The following PRUNE1 variants were observed in gnomAD, a reference collection of about 807,000 sequenced individuals.
PRUNE1 encodes exopolyphosphatase PRUNE1.
Under a neutral mutation model 42.5 loss-of-function variants are expected in PRUNE1, and 25 were observed. The ratio of observed to expected loss-of-function variants is 0.59; its 90% CI spans 0.43 to 0.82. The LOEUF (loss-of-function observed/expected upper bound fraction) is 0.82, where lower values mean the gene tolerates loss of function less well. Among genes scored for constraint, PRUNE1 ranks in the 40% least tolerant of loss-of-function variants. The pLI, the probability that PRUNE1 is intolerant of heterozygous loss-of-function variation, is 0.00. For missense variants in PRUNE1, 443 were observed against 539.3 expected (o/e 0.82, Z 1.77); for synonymous variants, 203 against 217.1 (o/e 0.93, Z 0.57).
chr1:151,027,298 G>A lies in PRUNE1; in HGVS notation c.745G>A (p.Ala249Thr), dbSNP rs587724490. The A allele has an allele frequency of 3.7e-6, 6 of 1,609,892 alleles. No homozygotes were observed. The South Asian group carries it at 5.5e-5, about 15-fold the overall frequency. ...KTIYRQGVKVAISAIYMDLEA... is the reference protein window; with the variant it reads ...KTIYRQGVKVTISAIYMDLEA... ...TATCTATAGACAAGGCGTCAAGGTG[G>A]CCATTAGTGCAATATATATGGATTT... Residue 249 changes from alanine to threonine, a missense_variant, in exon 6 of 8, where the codon GCC becomes ACC. Physicochemically the swap from Ala to Thr is moderately conservative, Grantham distance 58. Coordinates refer to ENST00000271620, the MANE Select transcript of PRUNE1 (RefSeq NM_021222.3).
At chr1:151,015,536 A>G (rs587649832) in intron 1 of PRUNE1, among the ~76,000 whole-genome samples, 1 of 150,894 alleles carries the variant, frequency 6.6e-6, no homozygotes, top group African/African-American at 2.4e-5. Flanking sequence ...CAGGAGGCTG[A>G]GGCAAGAGAA....
At chr1:151,014,573 G>T (rs186568763) in intron 1 of PRUNE1, among the ~76,000 whole-genome samples, 2 of 152,296 alleles carry the variant, frequency 1.3e-5, no homozygotes, top group African/African-American at 4.8e-5. Context: ...GATGATTCTA[G>T]GTTTCCCTAG....
intron 3 of PRUNE1, among the ~76,000 whole-genome samples, chr1:151,019,022 G>A (rs1358158633): frequency 2.0e-5 from 3 of 152,148 alleles, no homozygotes; most frequent in Non-Finnish European, 2.9e-5. Context: ...CAGCCTGAGC[G>A]ACAGAGCCAG....
chr1:151,025,992 G>C (rs1388050234), intron 5 of PRUNE1, among the ~76,000 whole-genome samples: 1 of 151,560 alleles, frequency 6.6e-6, no homozygotes, highest in East Asian at 2.0e-4. Flanking sequence ...CTGCCCGCCT[G>C]GGCCTCCCAA....
intron 3 of PRUNE1, among the ~76,000 whole-genome samples, chr1:151,024,337 AC>A (rs1674682515): frequency 6.6e-6 from 1 of 152,094 alleles, no homozygotes; most frequent in African/African-American, 2.4e-5. Context: ...TACTAAAAAT[AC>A]AAAAAAATTA....
chr1:151,012,107 G>GAAAAAA (rs34147552), intron 1 of PRUNE1, among the ~76,000 whole-genome samples: 2,202 of 152,076 alleles, frequency 0.014, 50 homozygotes, highest in African/African-American at 0.048. Context: ...AAAGAAAAAA[G>GAAAAAA]AAAAAAAGTT....
chr1:151,019,200 G>A (rs963821490), intron 3 of PRUNE1, among the ~76,000 whole-genome samples: 6 of 152,156 alleles, frequency 3.9e-5, no homozygotes, highest in African/African-American at 1.2e-4. Flanking sequence ...GAAATAGAAC[G>A]TGTTGAGTTC....
chr1:151,011,250 G>C (rs1340597199), intron 1 of PRUNE1, among the ~76,000 whole-genome samples: 1 of 152,038 alleles, frequency 6.6e-6, no homozygotes, highest in Non-Finnish European at 1.5e-5. Flanking sequence ...GTCTCCCGTT[G>C]CTACCATATT....
At chr1:151,018,903 C>T (rs1213918529) in intron 3 of PRUNE1, among the ~76,000 whole-genome samples, 4 of 152,128 alleles carry the variant, frequency 2.6e-5, no homozygotes, top group African/African-American at 7.2e-5. Context: ...ATTAGCTGGG[C>T]GTGGTGGCAA....
Position 151,008,683 on chromosome 1 carries a change from C to CGG in PRUNE1, c.39+12_39+13insGG. ...GAGCTGCTCTGCAGGTAACGAATCC[C>CGG]TGTCTGTGACTGTAAGGAATGGAGC... On this transcript the variant is annotated intron_variant, in intron 1 of 7. Coordinates refer to ENST00000271620, the MANE Select transcript of PRUNE1 (RefSeq NM_021222.3). 3 of 1,613,842 alleles carry CGG rather than the reference C, an allele frequency of 1.9e-6. No individual in the cohort carries two copies. In the South Asian group the frequency reaches 3.3e-5, roughly 18 times the overall value.
intron 7 of PRUNE1, 77 bp from the exon 8 acceptor site, chr1:151,033,729 G>A (rs1312048695): frequency 2.2e-6 from 3 of 1,394,394 alleles, no homozygotes; most frequent in Non-Finnish European, 3.0e-6. Context: ...TTCTATAGAG[G>A]AAGCCTCTCA....
At chr1:151,008,784 G>A in intron 1 of PRUNE1, 113 bp downstream of exon 1, 2 of 1,362,360 alleles carry the variant, frequency 1.5e-6, no homozygotes, top group Non-Finnish European at 2.1e-6. Flanking sequence ...ACTGAGTTGT[G>A]GGGAGGGGGG....
chr1:151,030,576 C>T (rs1675182823), intron 7 of PRUNE1, among the ~76,000 whole-genome samples: 1 of 152,066 alleles, frequency 6.6e-6, no homozygotes, highest in Admixed American at 6.6e-5. Context: ...CTGCAACCGC[C>T]ACCTCCCAGG....
chr1:151,020,801 G>A (rs953300127), intron 3 of PRUNE1, among the ~76,000 whole-genome samples: 3 of 151,888 alleles, frequency 2.0e-5, no homozygotes, highest in South Asian at 4.2e-4. Context: ...CTAACATGGT[G>A]AAAACCCGTC....
At chr1:151,027,790 G>A (rs952922401) in intron 6 of PRUNE1, among the ~76,000 whole-genome samples, 14 of 150,594 alleles carry the variant, frequency 9.3e-5, no homozygotes, top group South Asian at 2.1e-4. Flanking sequence ...GTGCGCGCGC[G>A]TGTATGTATG....
intron 5 of PRUNE1, among the ~76,000 whole-genome samples, chr1:151,026,666 TAAAA>T (rs950898747): frequency 6.6e-6 from 1 of 151,742 alleles, no homozygotes; most frequent in African/African-American, 2.4e-5. Context: ...CCTGTTGACA[TAAAA>T]AGGAAGAAAG....
At chr1:151,029,036 T>C in intron 7 of PRUNE1, 92 bp downstream of exon 7, 1 of 1,301,718 alleles carries the variant, frequency 7.7e-7, no homozygotes, top group Non-Finnish European at 1.1e-6. Flanking sequence ...AGGACCTCTC[T>C]TAGGTTCTTA....
intron 2 of PRUNE1, 111 bp from the exon 3 acceptor site, chr1:151,018,356 T>C: frequency 1.0e-6 from 1 of 952,904 alleles, no homozygotes; most frequent in Non-Finnish European, 1.7e-6. Context: ...CTTATGGCTT[T>C]GAGAAAGGTG....
At chr1:151,015,373 T>TTGGGA (rs1459922549) in intron 1 of PRUNE1, among the ~76,000 whole-genome samples, 1 of 132,776 alleles carries the variant, frequency 7.5e-6, no homozygotes, top group Non-Finnish European at 1.6e-5. Flanking sequence ...CGGTGGCTCA[T>TTGGGA]GCCTGTAATC....
Sources: allele counts gnomAD v4.1 joint callset (sites outside exome capture counted in the v4.1 genomes callset), GRCh38; gene constraint gnomAD v4.1.1; transcripts MANE v1.5; gene names NCBI Gene and HGNC (gene_info 2026-07-23, HGNC 2026-07-21).